The following RHOA variants were observed in gnomAD, a reference collection of about 807,000 sequenced individuals.
RHOA encodes the protein transforming protein RhoA.
RHOA carries 3 observed loss-of-function variants against 17.5 expected under a neutral mutation model. The ratio of observed to expected loss-of-function variants is 0.17; its 90% CI spans 0.08 to 0.44. The LOEUF is 0.44. RHOA is among the 20% of genes least tolerant of loss of function. The pLI is 0.99. For missense variants in RHOA, 56 were observed against 242.3 expected (o/e 0.23, Z 5.10); for synonymous variants, 98 against 88.4 (o/e 1.11, Z -0.61).
chr3:49,401,041 C>CAAAAAAAAAAAAAAAAAAAA (rs57354041), intron 1 of RHOA, among the ~76,000 whole-genome samples: 35 of 67,586 alleles, frequency 5.2e-4, no homozygotes, highest in South Asian at 1.0e-3. Context: ...GACTCCGTCT[C>CAAAAAAAAAAAAAAAAAAAA]AAAAAAAAAA....
chr3:49,368,794 G>A (rs184072178), intron 2 of RHOA, among the ~76,000 whole-genome samples: 84 of 144,940 alleles, frequency 5.8e-4, no homozygotes, highest in African/African-American at 1.9e-3. Context: ...TGCAAGCTCC[G>A]TCTCCCGGGT....
At chr3:49,398,869 A>G (rs1259550791) in intron 1 of RHOA, among the ~76,000 whole-genome samples, 3 of 115,370 alleles carry the variant, frequency 2.6e-5, no homozygotes, top group Non-Finnish European at 5.6e-5. Context: ...AAAAAAAAAA[A>G]AAGAATTTTG....
intron 1 of RHOA, among the ~76,000 whole-genome samples, chr3:49,393,627 A>C (rs2048551320): frequency 8.9e-6 from 1 of 112,656 alleles, no homozygotes; most frequent in Non-Finnish European, 1.7e-5. Context: ...TAAGAGGCTC[A>C]GCCTCAAGAA....
At chr3:49,371,486 G>A (rs1334662489) in intron 2 of RHOA, among the ~76,000 whole-genome samples, 1 of 151,978 alleles carries the variant, frequency 6.6e-6, no homozygotes, top group Non-Finnish European at 1.5e-5. Flanking sequence ...TTGCCATGTT[G>A]GGCAGGCTGG....
chr3:49,390,771 C>T (rs1003270781), intron 1 of RHOA, among the ~76,000 whole-genome samples: 32 of 151,996 alleles, frequency 2.1e-4, no homozygotes, highest in African/African-American at 7.7e-4. Flanking sequence ...AGGTAAAAGG[C>T]GTCATGGATA....
At chr3:49,408,223 T>C (rs1313999662) in intron 1 of RHOA, among the ~76,000 whole-genome samples, 1 of 151,404 alleles carries the variant, frequency 6.6e-6, no homozygotes, top group Non-Finnish European at 1.5e-5. Context: ...TATGTACACA[T>C]ATATATACGT....
At position 49,411,808 on chromosome 3, in the gene RHOA, C is replaced by A. The variant is rs1016523026; in HGVS notation, c.-3+12G>T. ...GGGCCCCGCGGCGCCTGGAGGGAAC[C>A]CTTCCGCTCACCTCAGGCAACGAAT... On this transcript the variant is annotated intron_variant, in intron 1 of 4. Transcript: ENST00000418115. The A allele has an allele frequency of 6.6e-6, 1 of 151,960 alleles. No homozygotes were observed. Among genetic ancestry groups the A allele is most frequent in the African/African-American group, 2.4e-5 (1 of 41,408 alleles). The allele number at this position is 151,960 out of a possible 1,614,324, so 9.4% of individuals were successfully genotyped here. A position where few individuals can be genotyped will look rare whatever the true frequency, so the allele number is the denominator to read the frequency against.
chr3:49,373,821 A>G (rs1299307478), intron 2 of RHOA, among the ~76,000 whole-genome samples: 1 of 152,000 alleles, frequency 6.6e-6, no homozygotes, highest in Non-Finnish European at 1.5e-5. Context: ...AAAAAAAAAA[A>G]GTATGAGAGG....
intron 2 of RHOA, among the ~76,000 whole-genome samples, chr3:49,370,227 G>C (rs34588335): frequency 0.3 from 45,201 of 152,074 alleles, 7,210 homozygotes; most frequent in Middle Eastern, 0.33. Context: ...AGCCTAGGCA[G>C]TGAGACCTTG....
intron 1 of RHOA, among the ~76,000 whole-genome samples, chr3:49,393,536 G>A (rs905757452): frequency 4.0e-5 from 6 of 150,650 alleles, no homozygotes; most frequent in Non-Finnish European, 7.4e-5. Context: ...GGGATCAAGC[G>A]ATCTACCTGC....
In RHOA at chr3:49,382,219, T is replaced by C. The variant is rs907693346; in HGVS notation, c.-2-6628A>G. Among the ~76,000 whole-genome samples the C allele has an allele frequency of 4.0e-5, 6 of 151,774 alleles. No homozygotes were observed. The East Asian group carries it at 9.7e-4, about 25-fold the overall frequency. ...CTGTAGTTCCAGCTACTCAGGAGGC[T>C]GAGGCATGAGAATGGGGTGAACCCA... On this transcript the variant is annotated intron_variant, in intron 1 of 4. Coordinates refer to ENST00000418115, the MANE Select transcript of RHOA (RefSeq NM_001664.4).
At chr3:49,370,389 G>T (rs936608539) in intron 2 of RHOA, among the ~76,000 whole-genome samples, 13 of 152,182 alleles carry the variant, frequency 8.5e-5, no homozygotes, top group African/African-American at 3.1e-4. Context: ...AGACAGGAGG[G>T]AAGAAATCAA....
intron 1 of RHOA, among the ~76,000 whole-genome samples, chr3:49,400,492 C>T (rs971113059): frequency 2.6e-5 from 4 of 151,724 alleles, no homozygotes; most frequent in Admixed American, 6.6e-5. Context: ...TGAACTCCTA[C>T]AGCACTTCGT....
At chr3:49,384,418 G>A (rs996719855) in intron 1 of RHOA, among the ~76,000 whole-genome samples, 1 of 152,140 alleles carries the variant, frequency 6.6e-6, no homozygotes, top group African/African-American at 2.4e-5. Context: ...TAACTTATAA[G>A]TTTGGAGTAG....
At chr3:49,390,225 C>A (rs2048474145) in intron 1 of RHOA, among the ~76,000 whole-genome samples, 1 of 151,970 alleles carries the variant, frequency 6.6e-6, no homozygotes, top group Non-Finnish European at 1.5e-5. Flanking sequence ...GCCTCCACCT[C>A]CCGGGTTCAA....
chr3:49,398,335 A>G (rs1163609363), intron 1 of RHOA, among the ~76,000 whole-genome samples: 1 of 152,094 alleles, frequency 6.6e-6, no homozygotes. Context: ...CCTGGGTAAC[A>G]GAGCAAGACT....
intron 1 of RHOA, among the ~76,000 whole-genome samples, chr3:49,387,440 T>C (rs1218708918): frequency 2.6e-5 from 2 of 76,602 alleles, no homozygotes; most frequent in Non-Finnish European, 5.0e-5. Context: ...CGAGACTCCA[T>C]CTCGGGGGAA....
At chr3:49,408,763 A>G (rs1474672067) in intron 1 of RHOA, among the ~76,000 whole-genome samples, 3 of 151,900 alleles carry the variant, frequency 2.0e-5, no homozygotes, top group African/African-American at 7.2e-5. Context: ...GGAATAAACT[A>G]AATGGCAGAG....
chr3:49,393,820 C>T (rs772983168), intron 1 of RHOA, among the ~76,000 whole-genome samples: 41 of 151,496 alleles, frequency 2.7e-4, no homozygotes, highest in Non-Finnish European at 5.3e-4. Context: ...AGCAGTTCTC[C>T]TGTCTCAGCC....
Sources: gnomAD v4.1 joint callset for allele counts (sites outside exome capture counted in the v4.1 genomes callset) on GRCh38, gnomAD v4.1.1 for gene constraint, MANE v1.5 for transcripts, NCBI Gene and HGNC (gene_info 2026-07-23, HGNC 2026-07-21) for gene names.